The following ANKRD54 variants were observed in gnomAD, a reference collection of about 807,000 sequenced individuals.
ANKRD54 encodes ankyrin repeat domain-containing protein 54.
A neutral mutation model predicts 36.2 loss-of-function variants in ANKRD54; 26 were observed. The observed-to-expected ratio is 0.72, with a 90% CI of 0.53 to 1.00. ANKRD54 has a LOEUF of 1.00. Ranked by LOEUF, ANKRD54 falls within the 50% of genes least tolerant of loss-of-function variation. ANKRD54 has a pLI of 0.00. For missense variants in ANKRD54, 384 were observed against 424.3 expected, an observed-to-expected ratio of 0.91 and a Z score of 0.83; for synonymous variants, 209 against 188.4, an observed-to-expected ratio of 1.11 and a Z score of -0.89.
chr22:37,844,573 C>G (rs993037613), upstream of ANKRD54: 1 of 300,392 alleles, frequency 3.3e-6, no homozygotes, highest in Admixed American at 5.2e-5. Context: ...CTACCGGAGC[C>G]AGTAAAACAG....
chr22:37,838,285 A>G (rs1601727140), intron 3 of ANKRD54, among the ~76,000 whole-genome samples: 1 of 152,212 alleles, frequency 6.6e-6, no homozygotes, highest in East Asian at 1.9e-4. Flanking sequence ...TCAGTCAATC[A>G]TATTATCTCC....
chr22:37,841,882 AATAAATAAAT>A (rs1328283280), intron 1 of ANKRD54, among the ~76,000 whole-genome samples: 2 of 19,154 alleles, frequency 1.0e-4, no homozygotes, highest in African/African-American at 8.7e-4. Context: ...TAAATAAATA[AATAAATAAAT>A]AAATAAAATA....
upstream of ANKRD54, among the ~76,000 whole-genome samples, chr22:37,847,254 C>T (rs1350569708): frequency 6.6e-6 from 1 of 151,752 alleles, no homozygotes; most frequent in African/African-American, 2.4e-5. Flanking sequence ...CCTCCGCCTC[C>T]TAGGTTCAAG....
chr22:37,841,466 C>T (rs1046628690), intron 1 of ANKRD54, among the ~76,000 whole-genome samples: 2 of 151,804 alleles, frequency 1.3e-5, no homozygotes, highest in African/African-American at 4.8e-5. Context: ...GCAGAGGTTG[C>T]AGTGAGCCAA....
rs1296228019 is a variant in ANKRD54, at chr22:37,844,101, C to T, written c.138G>A (p.Leu46=). Residue 46 remains leucine (L), a synonymous_variant, in exon 1 of 8, where the codon CTG becomes CTA. Transcript: ENST00000215941. The stretch of plus-strand genomic sequence containing the variant: ...CCGAGAGGCCCGCGCCGCCGCCGCC[C>T]AGCGCAGACCCGAAGTCAGCGAAGG... ...LFSFADFGSA[L]GGGGAGLSGR... 4.1e-6 allele frequency: 6 copies of T among 1,472,722 alleles called. No homozygotes were observed. Among genetic ancestry groups the T allele is most frequent in the Non-Finnish European group, 5.4e-6 (6 of 1,119,614 alleles). 91.2% of individuals were successfully genotyped at this position (1,472,722 alleles called of 1,614,324 possible).
chr22:37,845,137 T>C (rs1299374992), upstream of ANKRD54, among the ~76,000 whole-genome samples: 2 of 151,944 alleles, frequency 1.3e-5, no homozygotes, highest in African/African-American at 4.8e-5. Context: ...CTAAATGCAA[T>C]GGATTTCCTT....
At chr22:37,842,077 T>C (rs1444067384) in intron 1 of ANKRD54, among the ~76,000 whole-genome samples, 1 of 150,170 alleles carries the variant, frequency 6.7e-6, no homozygotes, top group African/African-American at 2.5e-5. Flanking sequence ...CAATCTTAGG[T>C]TAAGTTCTAA....
At chr22:37,835,049 ACT>A (rs2145963262) in intron 3 of ANKRD54, among the ~76,000 whole-genome samples, 1 of 148,306 alleles carries the variant, frequency 6.7e-6, no homozygotes, top group African/African-American at 2.5e-5. Flanking sequence ...ACAGAGCGAG[ACT>A]CTGTCTCCAA....
rs746773171 is a variant in ANKRD54, at chr22:37,833,640, C to G, written c.547+44G>C. On this transcript the variant is annotated intron_variant, in intron 4 of 7. Coordinates refer to ENST00000215941, the MANE Select transcript of ANKRD54 (RefSeq NM_138797.4). The stretch of plus-strand genomic sequence containing the variant: ...CACCCTCTTCATCTAAAGAGCCTTT[C>G]TTTGCTGCAAATGAGTTGTCTTAGT... 3 of 1,607,584 alleles carry G rather than the reference C, an allele frequency of 1.9e-6. No individual in the cohort carries two copies. The South Asian group carries it at 3.3e-5, about 18-fold the overall frequency.
In ANKRD54 at chr22:37,844,313, T is replaced by A. The variant is rs771824669; in HGVS notation, c.-75A>T. On this transcript the variant is annotated 5_prime_UTR_variant, in exon 1 of 8. Coordinates refer to ENST00000215941, the MANE Select transcript of ANKRD54 (RefSeq NM_138797.4). The stretch of plus-strand genomic sequence containing the variant: ...CCAACGGACCTACTTCCCTCCGCCC[T>A]GAGTCGTGCTGTCAGCGAGCTGGCG... 6.9e-7 allele frequency: 1 copy of A among 1,455,048 alleles called. No homozygotes were observed. Among genetic ancestry groups the A allele is most frequent in the Admixed American group, 2.4e-5 (1 of 41,272 alleles). The allele number at this position is 1,455,048 out of a possible 1,614,324, so 90.1% of individuals were successfully genotyped here. A position where few individuals can be genotyped will look rare whatever the true frequency, so the allele number is the denominator to read the frequency against.
intron 2 of ANKRD54, among the ~76,000 whole-genome samples, chr22:37,839,171 G>A (rs1384663410): frequency 2.7e-5 from 4 of 150,942 alleles, no homozygotes; most frequent in South Asian, 2.1e-4. Context: ...CACCACACCC[G>A]GCCCGAAAAA....
intron 7 of ANKRD54, 75 bp downstream of exon 7, chr22:37,832,562 G>A: frequency 7.4e-7 from 1 of 1,356,514 alleles, no homozygotes; most frequent in Non-Finnish European, 1.0e-6. Context: ...CGAGTGTCTG[G>A]TGGCATCGGA....
rs1923187886 is a variant in ANKRD54 at position 37,833,737 on chromosome 22, T to C, written c.494A>G (p.His165Arg). 42 of 1,614,006 alleles carry C rather than the reference T, an allele frequency of 2.6e-5. No individual in the cohort carries two copies. Among genetic ancestry groups the C allele is most frequent in the Non-Finnish European group, 3.5e-5 (41 of 1,179,990 alleles). Residue 165 changes from histidine (H) to arginine (R), a missense_variant, in exon 4 of 8, where the codon CAT becomes CGT. Around this residue, in one of 3 missense-constraint regions of ANKRD54, gnomAD observed 179 missense variants for 224.0 expected, o/e 0.80. Transcript: ENST00000215941. ...ATCTCGCTGGTTAGGATCAGCACCA[T>C]GGTCCAGGAGCAGCTGCACTGGAAA... ...NDQIVQLLLD[H>R]GADPNQRDGL...
At position 37,831,961 on chromosome 22, in the gene ANKRD54, C is replaced by G; in HGVS notation, c.885G>C (p.Gln295His). The G allele has an allele frequency of 6.2e-7, 1 of 1,613,712 alleles. No individual in the cohort carries two copies. The highest frequency in any genetic ancestry group is 8.5e-7 in the Non-Finnish European group (1 of 1,179,872). The change falls in exon 8 of 8, where the codon CAG becomes CAC. Residue 295 changes from glutamine to histidine, a missense_variant. Around this residue, in one of 3 missense-constraint regions of ANKRD54, gnomAD observed 179 missense variants for 224.0 expected, o/e 0.80. Coordinates refer to ENST00000215941, the MANE Select transcript of ANKRD54 (RefSeq NM_138797.4). ...TCTCTTGCTACCTCTTCTCCATGCT[C>G]TGCATCTGCAGACTGAGGGAGGTGA... ...ASFTSLSLQM[Q>H]SMEKR
In ANKRD54 at chr22:37,844,324, G is replaced by T; in HGVS notation, c.-86C>A. ...ACTTCCCTCCGCCCTGAGTCGTGCT[G>T]TCAGCGAGCTGGCGGGCGGGCAGGG... On this transcript the variant is annotated 5_prime_UTR_variant, in exon 1 of 8. Transcript: ENST00000215941. 1 of 1,436,320 alleles carries T rather than the reference G, an allele frequency of 7.0e-7. No homozygotes were observed. The allele number at this position is 1,436,320 out of a possible 1,614,324, so 89.0% of individuals were successfully genotyped here.
chr22:37,842,177 A>C (rs1447087446), intron 1 of ANKRD54, among the ~76,000 whole-genome samples: 1 of 152,198 alleles, frequency 6.6e-6, no homozygotes, highest in African/African-American at 2.4e-5. Flanking sequence ...AGTCCCAGCT[A>C]CTTGGGAGGC....
At position 37,844,300 on chromosome 22, in the gene ANKRD54, C is replaced by G; in HGVS notation, c.-62G>C. 1 of 1,518,424 alleles carries G rather than the reference C, an allele frequency of 6.6e-7. No individual in the cohort carries two copies. Among genetic ancestry groups the G allele is most frequent in the East Asian group, 2.6e-5 (1 of 38,190 alleles). The allele number at this position is 1,518,424 out of a possible 1,614,324, so 94.1% of individuals were successfully genotyped here. On this transcript the variant is annotated 5_prime_UTR_variant, in exon 1 of 8. Coordinates refer to ENST00000215941, the MANE Select transcript of ANKRD54 (RefSeq NM_138797.4). ...CGTTCCCGACCGACCAACGGACCTA[C>G]TTCCCTCCGCCCTGAGTCGTGCTGT...
At chr22:37,845,682 A>G (rs1924796657), upstream of ANKRD54, among the ~76,000 whole-genome samples, 1 of 152,118 alleles carries the variant, frequency 6.6e-6, no homozygotes, top group South Asian at 2.1e-4. Flanking sequence ...AAGCCTGGCC[A>G]ACATGATGAA....
chr22:37,832,694 C>A lies in ANKRD54; in HGVS notation c.771G>T (p.Gln257His), dbSNP rs1416807376. 6.2e-7 allele frequency: 1 copy of A among 1,614,068 alleles called. No individual in the cohort carries two copies. Among genetic ancestry groups the A allele is most frequent in the Non-Finnish European group, 8.5e-7 (1 of 1,180,042 alleles). Residue 257 changes from glutamine to histidine, a missense_variant, in exon 7 of 8, where the codon CAG becomes CAT. Physicochemically the swap from Gln to His is conservative, Grantham distance 24. Transcript: ENST00000215941. ...TGCAGAGGTCATCCAGGCGTTCTCG[C>A]TGCTCATGTTGCCCTAGGCGCTCCA... is the stretch of plus-strand genomic sequence containing the variant. ...EYLERLGQHE[Q>H]RERLDDLCTR...
Sources: allele counts gnomAD v4.1 joint callset (sites outside exome capture counted in the v4.1 genomes callset), GRCh38; gene constraint gnomAD v4.1.1; regional missense constraint gnomAD v4.1.1; transcripts MANE v1.5; gene names NCBI Gene and HGNC (gene_info 2026-07-23, HGNC 2026-07-21).